TTC39A: variants seen among roughly 807,000 people sequenced by gnomAD.
TTC39A encodes tetratricopeptide repeat domain 39A.
TTC39A carries 46 observed loss-of-function variants against 82.3 expected under a neutral mutation model. That is an observed-to-expected ratio of 0.56 (90% CI 0.44 to 0.71). TTC39A has a LOEUF of 0.71. TTC39A is among the 30% of genes least tolerant of loss of function. The pLI is 0.00. For synonymous variants in TTC39A, 254 were observed against 275.2 expected, an observed-to-expected ratio of 0.92 and a Z score of 0.76; for missense variants, 543 against 712.9, an observed-to-expected ratio of 0.76 and a Z score of 2.71.
chr1:51,296,043 G>A, intron 13 of TTC39A, 36 bp downstream of exon 13: 1 of 1,551,662 alleles, frequency 6.4e-7, no homozygotes, highest in South Asian at 1.2e-5. Context: ...CACGGTGGGA[G>A]TGGCCTACAC....
At position 51,312,877 on chromosome 1, in the gene TTC39A, G is replaced by A. The variant is rs757256770; in HGVS notation, c.213C>T (p.Thr71=). 8.1e-6 allele frequency: 13 copies of A among 1,613,982 alleles called. No individual in the cohort carries two copies. Among genetic ancestry groups the A allele is most frequent in the Non-Finnish European group, 1.1e-5 (13 of 1,179,862 alleles). ...CAAGCAGGATGTCCTGAGGGTCAAA[G>A]GTCATCATGGCCTGCATCTCCAGGA... The part of the protein sequence containing the change: ...ATILEMQAMM[T]FDPQDILLAG... The change falls in exon 3 of 18, where the codon ACC becomes ACT. Residue 71 remains threonine (T), a synonymous_variant. Coordinates refer to ENST00000680483, the MANE Select transcript of TTC39A (RefSeq NM_001297663.2).
At chr1:51,334,728 C>T (rs1422542696), upstream of TTC39A, 1 of 152,164 alleles carries the variant, frequency 6.6e-6, no homozygotes, top group Non-Finnish European at 1.5e-5. Flanking sequence ...GACCACTAGA[C>T]ACTACTTTCC....
rs1454359597 is a variant in TTC39A, at chr1:51,288,717, G to C, written c.1610+122C>G. 1.2e-6 allele frequency: 1 copy of C among 858,428 alleles called. No individual in the cohort carries two copies. Among genetic ancestry groups the C allele is most frequent in the Non-Finnish European group, 1.9e-6 (1 of 540,160 alleles). The allele number at this position is 858,428 out of a possible 1,614,324, so 53.2% of individuals were successfully genotyped here. A position where few individuals can be genotyped will look rare whatever the true frequency, so the allele number is the denominator to read the frequency against. Reference sequence around the variant, plus strand: ...CCGAGGGACACAGGTCCACCCTCTAGACTGCCAGACTGGCCTTGCTAGCAA... The same window carrying C: ...CCGAGGGACACAGGTCCACCCTCTACACTGCCAGACTGGCCTTGCTAGCAA... On this transcript the variant is annotated intron_variant, in intron 17 of 17. Transcript: ENST00000680483. This position sits in a 1 kb window ranked among gnomAD's most constrained non-coding sequence, Gnocchi z 4.8.
chr1:51,288,660 G>A lies in TTC39A; in HGVS notation c.1610+179C>T, dbSNP rs1569723100. Among the ~76,000 whole-genome samples the A allele has an allele frequency of 6.6e-6, 1 of 152,294 alleles. No individual in the cohort carries two copies. Among genetic ancestry groups the A allele is most frequent in the East Asian group, 1.9e-4 (1 of 5,176 alleles). On this transcript the variant is annotated intron_variant, in intron 17 of 17. Coordinates refer to ENST00000680483, the MANE Select transcript of TTC39A (RefSeq NM_001297663.2). The surrounding 1 kb of genome is among the most constrained non-coding windows in gnomAD (Gnocchi z 4.8). ...AACTGCGCATTTATACATTAAGAAA[G>A]AAGTCTTCCTATGACAGGCGAGAGC...
intron 6 of TTC39A, among the ~76,000 whole-genome samples, chr1:51,308,997 CTG>C (rs1644979254): frequency 6.6e-6 from 1 of 152,216 alleles, no homozygotes; most frequent in African/African-American, 2.4e-5. Flanking sequence ...TGTGCAGAAT[CTG>C]TGTCTTATTT....
At chr1:51,339,041 T>A (rs921411736) in intron 1 of TTC39A, among the ~76,000 whole-genome samples, 1 of 152,190 alleles carries the variant, frequency 6.6e-6, no homozygotes, top group Non-Finnish European at 1.5e-5. Context: ...TTAGCTACTG[T>A]ATGTATCTGA....
rs376980595 is a variant in TTC39A, at chr1:51,301,628, A to T, written c.997T>A (p.Trp333Arg). The change falls in exon 12 of 18, where the codon TGG (tryptophan) becomes AGG (arginine). Residue 333 changes from tryptophan to arginine, a missense_variant. Trp to Arg is a moderately radical substitution (Grantham distance 101, BLOSUM62 -3). Transcript: ENST00000680483. Reference sequence around the variant, plus strand: ...TCGGCGTAGAAGTAGGACATCTTCCACTGGCCCTTGTAGGTGAAGCACCAC... The same window carrying T: ...TCGGCGTAGAAGTAGGACATCTTCCTCTGGCCCTTGTAGGTGAAGCACCAC... ...LMWCFTYKGQWKMSYFYADLL... is the reference protein window; with the variant it reads ...LMWCFTYKGQRKMSYFYADLL... 4 of 1,613,614 alleles carry T rather than the reference A, an allele frequency of 2.5e-6. No individual in the cohort carries two copies. The African/African-American group carries it at 5.3e-5, about 22-fold the overall frequency.
At chr1:51,340,007 A>T (rs991814907) in intron 1 of TTC39A, among the ~76,000 whole-genome samples, 1 of 152,148 alleles carries the variant, frequency 6.6e-6, no homozygotes, top group Non-Finnish European at 1.5e-5. Context: ...AAGAAGTTCA[A>T]GAGAGACTCC....
At chr1:51,331,874 T>C, upstream of TTC39A, 1 of 943,846 alleles carries the variant, frequency 1.1e-6, no homozygotes, top group African/African-American at 1.8e-5. Context: ...AGCCTTGAAG[T>C]TTATATTATT....
upstream of TTC39A, among the ~76,000 whole-genome samples, chr1:51,332,122 C>G (rs80061532): frequency 0.033 from 4,973 of 152,204 alleles, 135 homozygotes; most frequent in African/African-American, 0.069. Context: ...TTCATGTAAC[C>G]GGGGGTGGAT....
intron 5 of TTC39A, among the ~76,000 whole-genome samples, chr1:51,309,936 TAGGA>T (rs1209754012): frequency 1.3e-5 from 2 of 151,896 alleles, no homozygotes; most frequent in Non-Finnish European, 2.9e-5. Flanking sequence ...CCACACCACT[TAGGA>T]AGCTCAAAAC....
rs1340270102 is a variant in TTC39A, at chr1:51,294,535, G to A, written c.1146-24C>T. The A allele has an allele frequency of 1.2e-6, 2 of 1,613,452 alleles. No individual in the cohort carries two copies. The highest frequency in any genetic ancestry group is 8.5e-7 in the Non-Finnish European group (1 of 1,179,750). On this transcript the variant is annotated intron_variant, in intron 13 of 17. Coordinates refer to ENST00000680483, the MANE Select transcript of TTC39A (RefSeq NM_001297663.2). The surrounding 1 kb of genome is among the most constrained non-coding windows in gnomAD (Gnocchi z 4.3). ...CTCTGCGAAAGAGATGGGGAGGGTGGGAGAGGATGAAAAAGAGCAGGAGAG... is the reference window on the plus strand; with the variant it reads ...CTCTGCGAAAGAGATGGGGAGGGTGAGAGAGGATGAAAAAGAGCAGGAGAG...
At chr1:51,313,583 AC>A (rs1176581433) in intron 2 of TTC39A, among the ~76,000 whole-genome samples, 1 of 150,654 alleles carries the variant, frequency 6.6e-6, no homozygotes, top group Non-Finnish European at 1.5e-5. Flanking sequence ...CTCCTCACCC[AC>A]CCCCATCTGG....
At chr1:51,306,434 T>G (rs547887871) in intron 6 of TTC39A, among the ~76,000 whole-genome samples, 36 of 152,294 alleles carry the variant, frequency 2.4e-4, no homozygotes, top group African/African-American at 6.7e-4. Flanking sequence ...TTCTGTGCAT[T>G]GTAGGATGTT....
chr1:51,336,350 A>C (rs1269796982), intron 1 of TTC39A, among the ~76,000 whole-genome samples: 1 of 151,942 alleles, frequency 6.6e-6, no homozygotes, highest in South Asian at 2.1e-4. Flanking sequence ...TCACTGCCCC[A>C]CTGTGGGGCA....
chr1:51,309,762 G>A (rs1008479380), intron 5 of TTC39A, among the ~76,000 whole-genome samples: 1 of 152,182 alleles, frequency 6.6e-6, no homozygotes, highest in African/African-American at 2.4e-5. Flanking sequence ...ATGGACAAGG[G>A]TTGTGGAAGT....
Position 51,306,034 on chromosome 1 carries a change from A to G in TTC39A, c.531T>C (p.Gly177=). The G allele has an allele frequency of 6.2e-7, 1 of 1,613,388 alleles. No homozygotes were observed. The highest frequency in any genetic ancestry group is 8.5e-7 in the Non-Finnish European group (1 of 1,179,506). The change falls in exon 7 of 18, where the codon GGT becomes GGC. Residue 177 remains glycine (G), a synonymous_variant. Coordinates refer to ENST00000680483, the MANE Select transcript of TTC39A (RefSeq NM_001297663.2). ...SLVQSSQYCK[G]ENHPHFEGGV... ...CTCCTTCAAAGTGCGGGTGGTTCTC[A>G]CCCTTGCAGTATTGTGAGGACTGAA...
Position 51,289,975 on chromosome 1 carries a change from C to T in TTC39A, c.1493+30G>A, listed in dbSNP as rs199816871. On this transcript the variant is annotated intron_variant, in intron 16 of 17. Coordinates refer to ENST00000680483, the MANE Select transcript of TTC39A (RefSeq NM_001297663.2). ...GAATATTCTACCCAGGAGACTCAGA[C>T]CCAGAAGGAGCAGCTGCAGAGGCAC... 3.1e-6 allele frequency: 5 copies of T among 1,590,212 alleles called. No homozygotes were observed. The Admixed American group carries it at 6.9e-5, about 22-fold the overall frequency.
chr1:51,328,181 CTATTTTATTT>C (rs759792024), intron 1 of TTC39A, among the ~76,000 whole-genome samples: 9 of 152,106 alleles, frequency 5.9e-5, no homozygotes, highest in East Asian at 1.9e-4. Context: ...GATCCTGTCT[CTATTTTATTT>C]TATTTTATTT....
Sources: gnomAD v4.1 joint callset for allele counts (sites outside exome capture counted in the v4.1 genomes callset) on GRCh38, gnomAD v4.1.1 for gene constraint, Gnocchi (gnomAD v3.1) non-coding constraint, MANE v1.5 for transcripts, NCBI Gene and HGNC (gene_info 2026-07-23, HGNC 2026-07-21) for gene names.